CNTNAP2: variants seen among roughly 807,000 people sequenced by gnomAD.
CNTNAP2 encodes contactin associated protein 2.
A neutral mutation model predicts 155.2 loss-of-function variants in CNTNAP2; 98 were observed. The ratio of observed to expected loss-of-function variants is 0.63; its 90% CI spans 0.54 to 0.75. CNTNAP2 has a LOEUF of 0.75. Among genes scored for constraint, CNTNAP2 ranks in the 30% least tolerant of loss-of-function variants. The pLI is 0.00. For synonymous variants in CNTNAP2, 651 were observed against 631.2 expected, an observed-to-expected ratio of 1.03 and a Z score of -0.47; for missense variants, 1,727 against 1,688.1, an observed-to-expected ratio of 1.02 and a Z score of -0.40.
intron 1 of CNTNAP2, among the ~76,000 whole-genome samples, chr7:146,767,373 A>G (rs1802214902): frequency 6.6e-6 from 1 of 151,950 alleles, no homozygotes; most frequent in Admixed American, 6.5e-5. Flanking sequence ...TATGTTAAAG[A>G]CCAGATTGTA....
At chr7:147,834,280 G>C (rs1769819834) in intron 13 of CNTNAP2, among the ~76,000 whole-genome samples, 1 of 152,276 alleles carries the variant, frequency 6.6e-6, no homozygotes, top group South Asian at 2.1e-4. Flanking sequence ...CTTTAAAAGT[G>C]ATTTCCATTT....
intron 17 of CNTNAP2, among the ~76,000 whole-genome samples, chr7:148,157,712 G>T (rs577362364): frequency 6.6e-6 from 1 of 152,240 alleles, no homozygotes; most frequent in East Asian, 1.9e-4. Flanking sequence ...TGTGATGCTG[G>T]CTGCAATCCT....
At chr7:146,446,474 A>T (rs556781391) in intron 1 of CNTNAP2, among the ~76,000 whole-genome samples, 13 of 152,260 alleles carry the variant, frequency 8.5e-5, no homozygotes, top group African/African-American at 3.1e-4. Flanking sequence ...CTTTCTTCAG[A>T]ACACTGTGAT....
chr7:147,422,323 C>T (rs1286601270), intron 10 of CNTNAP2, among the ~76,000 whole-genome samples: 2 of 150,966 alleles, frequency 1.3e-5, no homozygotes, highest in African/African-American at 4.9e-5. Flanking sequence ...TCCTCTCAGC[C>T]ATGGCTCTAC....
chr7:146,707,828 G>A (rs1178663887), intron 1 of CNTNAP2, among the ~76,000 whole-genome samples: 1 of 152,040 alleles, frequency 6.6e-6, no homozygotes, highest in Non-Finnish European at 1.5e-5. Context: ...ATCCTTCAAA[G>A]GTTAACTCTT....
At chr7:147,435,910 A>G (rs1797541001) in intron 10 of CNTNAP2, among the ~76,000 whole-genome samples, 1 of 152,218 alleles carries the variant, frequency 6.6e-6, no homozygotes, top group Non-Finnish European at 1.5e-5. Context: ...AATAAAACTT[A>G]TCTCTCTTTT....
At chr7:147,253,912 T>C (rs1379955618) in intron 8 of CNTNAP2, among the ~76,000 whole-genome samples, 1 of 152,308 alleles carries the variant, frequency 6.6e-6, no homozygotes, top group East Asian at 1.9e-4. Context: ...TCAGTCTTAT[T>C]CCTATTTTAG....
intron 12 of CNTNAP2, among the ~76,000 whole-genome samples, chr7:147,567,225 C>A (rs148229710): frequency 3.4e-4 from 52 of 152,178 alleles, no homozygotes; most frequent in Middle Eastern, 3.4e-3. Context: ...AAAATCTTCC[C>A]CAAAACGGCT....
chr7:148,167,696 T>C (rs1482333817), intron 17 of CNTNAP2, among the ~76,000 whole-genome samples: 3 of 152,068 alleles, frequency 2.0e-5, no homozygotes, highest in Non-Finnish European at 4.4e-5. Context: ...TATCTGTGGA[T>C]GGGGAAACCG....
At chr7:147,964,858 A>G (rs773719827) in intron 14 of CNTNAP2, among the ~76,000 whole-genome samples, 1 of 152,190 alleles carries the variant, frequency 6.6e-6, no homozygotes, top group Non-Finnish European at 1.5e-5. Flanking sequence ...CTGAAGTTTT[A>G]GAATGTCCCT....
chr7:147,584,126 G>T (rs998905911), intron 12 of CNTNAP2, among the ~76,000 whole-genome samples: 5 of 152,092 alleles, frequency 3.3e-5, no homozygotes, highest in Non-Finnish European at 7.4e-5. Context: ...AGAAATTTGG[G>T]GAATGGCTCA....
intron 1 of CNTNAP2, among the ~76,000 whole-genome samples, chr7:146,172,853 G>C (rs1178483462): frequency 1.3e-5 from 2 of 152,130 alleles, no homozygotes; most frequent in East Asian, 3.9e-4. Context: ...GGAAGATCAT[G>C]GTCTGATAGA....
chr7:146,986,323 G>C (rs1409481448), intron 3 of CNTNAP2, among the ~76,000 whole-genome samples: 2 of 152,282 alleles, frequency 1.3e-5, no homozygotes, highest in South Asian at 2.1e-4. Context: ...TGCTGTGAAT[G>C]CCATTAATTC....
At chr7:146,532,789 T>G (rs955728034) in intron 1 of CNTNAP2, among the ~76,000 whole-genome samples, 10 of 152,070 alleles carry the variant, frequency 6.6e-5, no homozygotes, top group Non-Finnish European at 1.2e-4. Flanking sequence ...ATAGAGGGAA[T>G]TAAGAGCAGA....
At chr7:147,113,252 G>A (rs1485043082) in intron 5 of CNTNAP2, among the ~76,000 whole-genome samples, 1 of 152,034 alleles carries the variant, frequency 6.6e-6, no homozygotes, top group Non-Finnish European at 1.5e-5. Context: ...TTTCTATAGG[G>A]AAATACAAAT....
chr7:147,502,663 A>C (rs1798836846), intron 11 of CNTNAP2, among the ~76,000 whole-genome samples: 2 of 152,002 alleles, frequency 1.3e-5, no homozygotes, highest in African/African-American at 2.4e-5. Flanking sequence ...CACAAAAAAG[A>C]ATATCTGAGT....
chr7:148,221,013 C>T (rs1056199872), intron 19 of CNTNAP2, among the ~76,000 whole-genome samples: 1 of 152,110 alleles, frequency 6.6e-6, no homozygotes, highest in Middle Eastern at 3.2e-3. Flanking sequence ...CTTTTATTGT[C>T]TGCTCCTCGA....
chr7:147,568,262 G>C (rs920817834), intron 12 of CNTNAP2, among the ~76,000 whole-genome samples: 1 of 151,316 alleles, frequency 6.6e-6, no homozygotes, highest in Non-Finnish European at 1.5e-5. Context: ...AAATAATTTA[G>C]ACAGAGGCTT....
At chr7:146,610,594 G>A (rs960029958) in intron 1 of CNTNAP2, among the ~76,000 whole-genome samples, 1 of 152,090 alleles carries the variant, frequency 6.6e-6, no homozygotes, top group African/African-American at 2.4e-5. Flanking sequence ...CTCAAAATAT[G>A]ACAATATTTT....
Sources: gnomAD v4.1 joint callset for allele counts (sites outside exome capture counted in the v4.1 genomes callset) on GRCh38, gnomAD v4.1.1 for gene constraint, MANE v1.5 for transcripts, NCBI Gene and HGNC (gene_info 2026-07-23, HGNC 2026-07-21) for gene names.